The following ZNF532 variants were observed in gnomAD, a reference collection of about 807,000 sequenced individuals.
ZNF532 encodes zinc finger protein 532.
ZNF532 carries 22 observed loss-of-function variants against 89.3 expected under a neutral mutation model. The ratio of observed to expected loss-of-function variants is 0.25; its 90% CI spans 0.18 to 0.35. The LOEUF is 0.35. Ranked by LOEUF, ZNF532 falls within the 10% of genes least tolerant of loss-of-function variation. The pLI, the probability that ZNF532 is intolerant of heterozygous loss-of-function variation, is 1.00. For missense variants in ZNF532, 1,132 were observed against 1,643.4 expected (o/e 0.69, Z 5.38); for synonymous variants, 606 against 649.6 (o/e 0.93, Z 1.02).
At chr18:58,897,963 ATAAG>A (rs1177822969) in intron 2 of ZNF532, among the ~76,000 whole-genome samples, 47 of 152,242 alleles carry the variant, frequency 3.1e-4, no homozygotes, top group Non-Finnish European at 4.6e-4. Context: ...TCAAAAATAA[ATAAG>A]TAAGTAAATA....
intron 2 of ZNF532, among the ~76,000 whole-genome samples, chr18:58,895,414 T>C (rs2059180157): frequency 6.6e-6 from 1 of 152,244 alleles, no homozygotes; most frequent in South Asian, 2.1e-4. Context: ...TGTGCTTTAA[T>C]ATATTAAAGC....
At chr18:58,942,741 T>C (rs1015514920) in intron 5 of ZNF532, among the ~76,000 whole-genome samples, 1 of 152,194 alleles carries the variant, frequency 6.6e-6, no homozygotes, top group African/African-American at 2.4e-5. Context: ...CTTTTGGCAT[T>C]AAATCCATCT....
In ZNF532 at chr18:58,870,468, G is replaced by A. The variant is rs1053585290; in HGVS notation, c.-18+4889G>A. ...AGGTCTGGGGAGAGCTTGGTGTTTC[G>A]AGTGGGGTGTGGGTGTGCGAGGGGA... On this transcript the variant is annotated intron_variant, in intron 2 of 9. Transcript: ENST00000591808. Among the ~76,000 whole-genome samples, 4 of 152,162 alleles carry A rather than the reference G, an allele frequency of 2.6e-5. No individual in the cohort carries two copies. In the South Asian group the frequency reaches 6.2e-4, roughly 24 times the overall value.
intron 2 of ZNF532, among the ~76,000 whole-genome samples, chr18:58,893,820 C>G (rs568564626): frequency 6.6e-6 from 1 of 152,072 alleles, no homozygotes; most frequent in African/African-American, 2.4e-5. Context: ...TTTTGCTTCT[C>G]GTGGGTACAA....
Position 58,919,904 on chromosome 18 carries a change from A to G in ZNF532, c.1617A>G (p.Glu539=). Residue 539 remains glutamate, a synonymous_variant, in exon 3 of 10, where the codon GAA becomes GAG. Coordinates refer to ENST00000591808, the MANE Select transcript of ZNF532 (RefSeq NM_001375912.1). The surrounding 1 kb of genome is among the most constrained non-coding windows in gnomAD (Gnocchi z 6.1). ...CTCAGGGTGCCCAGGCCACCTCTGAACTCCGCCAAGTGCTAACCAAACCTC... is the reference window on the plus strand; with the variant it reads ...CTCAGGGTGCCCAGGCCACCTCTGAGCTCCGCCAAGTGCTAACCAAACCTC... ...LLPQGAQATS[E]LRQVLTKPQQ... 6.2e-7 allele frequency: 1 copy of G among 1,613,918 alleles called. No individual in the cohort carries two copies.
chr18:58,928,573 G>A (rs2061710406), intron 3 of ZNF532, among the ~76,000 whole-genome samples: 1 of 152,218 alleles, frequency 6.6e-6, no homozygotes, highest in African/African-American at 2.4e-5. Context: ...CTGCTAGGCT[G>A]AGGTTAGACT....
intron 7 of ZNF532, among the ~76,000 whole-genome samples, chr18:58,964,535 TTGTGTGTGTG>T (rs200298951): frequency 0.014 from 1,988 of 138,608 alleles, 34 homozygotes; most frequent in African/African-American, 0.045. Context: ...GATATTTTGT[TTGTGTGTGTG>T]TGTGTGTGTG....
At chr18:58,880,771 C>CGTGTGT (rs1555704786) in intron 2 of ZNF532, among the ~76,000 whole-genome samples, 3 of 145,370 alleles carry the variant, frequency 2.1e-5, no homozygotes, top group East Asian at 4.1e-4. Context: ...CACGCGCGCG[C>CGTGTGT]GTCTGTGTGT....
intron 2 of ZNF532, among the ~76,000 whole-genome samples, chr18:58,909,921 A>G (rs979742973): frequency 7.2e-5 from 11 of 152,092 alleles, no homozygotes; most frequent in Admixed American, 4.6e-4. Flanking sequence ...TTCCCTTTTT[A>G]ACTTTTAGGT....
chr18:58,978,810 T>A (rs968791267), intron 7 of ZNF532, among the ~76,000 whole-genome samples: 2 of 152,208 alleles, frequency 1.3e-5, no homozygotes, highest in African/African-American at 4.8e-5. Flanking sequence ...CATACATACC[T>A]TATATGGATA....
At chr18:58,866,950 T>C (rs1328862959) in intron 2 of ZNF532, among the ~76,000 whole-genome samples, 1 of 152,262 alleles carries the variant, frequency 6.6e-6, no homozygotes, top group African/African-American at 2.4e-5. Context: ...AAATTGGTTT[T>C]CAATTCTCCA....
At chr18:58,957,507 C>G (rs1806931885) in intron 7 of ZNF532, among the ~76,000 whole-genome samples, 1 of 150,542 alleles carries the variant, frequency 6.6e-6, no homozygotes. Context: ...CTTAGTGTTA[C>G]TGCTTCTAGT....
At chr18:58,937,088 G>T (rs2062542002) in intron 4 of ZNF532, among the ~76,000 whole-genome samples, 1 of 152,022 alleles carries the variant, frequency 6.6e-6, no homozygotes, top group Admixed American at 6.5e-5. Context: ...GAATTTTCCT[G>T]CCTCTTGATA....
intron 7 of ZNF532, among the ~76,000 whole-genome samples, chr18:58,974,682 C>T (rs1162131860): frequency 6.6e-6 from 1 of 152,112 alleles, no homozygotes; most frequent in Non-Finnish European, 1.5e-5. Flanking sequence ...CACAACAAAC[C>T]TCCGATTTCA....
chr18:58,979,304 C>T (rs2067425149), intron 8 of ZNF532, 137 bp downstream of exon 8: 1 of 551,426 alleles, frequency 1.8e-6, no homozygotes, highest in African/African-American at 1.9e-5. Flanking sequence ...ATTGTTTTGG[C>T]ATAGAGTTTT....
In ZNF532 at chr18:58,984,633, T is replaced by G. The variant is rs1470952495; in HGVS notation, c.*167T>G. ...TCGTCGTATATATCCTCGATAAGTA[T>G]TAAAACAGTATTTGAGTTTAAAAGA... On this transcript the variant is annotated 3_prime_UTR_variant, in exon 10 of 10. Coordinates refer to ENST00000591808, the MANE Select transcript of ZNF532 (RefSeq NM_001375912.1). The G allele has an allele frequency of 1.2e-5, 9 of 744,496 alleles. No individual in the cohort carries two copies. The highest frequency in any genetic ancestry group is 1.9e-5 in the Non-Finnish European group (9 of 472,438). The allele number at this position is 744,496 out of a possible 1,614,324, so 46.1% of individuals were successfully genotyped here. A position where few individuals can be genotyped will look rare whatever the true frequency, so the allele number is the denominator to read the frequency against.
chr18:58,873,066 G>GC (rs2057129244), intron 2 of ZNF532, among the ~76,000 whole-genome samples: 1 of 151,986 alleles, frequency 6.6e-6, no homozygotes, highest in Non-Finnish European at 1.5e-5. Context: ...GGAGTGCAGT[G>GC]CTGCGATCTT....
At chr18:58,929,486 T>G (rs1356862287) in intron 3 of ZNF532, among the ~76,000 whole-genome samples, 1 of 152,236 alleles carries the variant, frequency 6.6e-6, no homozygotes, top group Admixed American at 6.5e-5. Flanking sequence ...AATACCCTTA[T>G]TAGCTGAAGA....
intron 4 of ZNF532, among the ~76,000 whole-genome samples, 199 bp from the exon 5 acceptor site, chr18:58,939,246 C>CAA (rs71336307): frequency 0.15 from 5,151 of 34,470 alleles, 1,414 homozygotes; most frequent in Middle Eastern, 0.22. Flanking sequence ...GACGTTGTCT[C>CAA]AAAAAAAAAA....
Sources: allele counts gnomAD v4.1 joint callset (sites outside exome capture counted in the v4.1 genomes callset), GRCh38; gene constraint gnomAD v4.1.1; non-coding constraint Gnocchi (gnomAD v3.1); transcripts MANE v1.5; gene names NCBI Gene and HGNC (gene_info 2026-07-23, HGNC 2026-07-21).